HDAC9: variants seen among roughly 807,000 people sequenced by gnomAD.
The protein encoded by HDAC9 is histone deacetylase 9, also known as MEF-2 interacting transcription repressor (MITR) protein.
In HDAC9, 41 loss-of-function variants were observed where a neutral mutation model predicts 139.4. The observed-to-expected ratio is 0.29, with a 90% CI of 0.23 to 0.38. HDAC9 has a LOEUF of 0.38. Ranked by LOEUF, HDAC9 falls within the 10% of genes least tolerant of loss-of-function variation. The pLI is 1.00. For missense variants in HDAC9, 1,147 were observed against 1,297.0 expected (o/e 0.88, Z 1.78); for synonymous variants, 517 against 476.2 (o/e 1.09, Z -1.12).
At chr7:18,649,694 G>A (rs1788639971) in intron 11 of HDAC9, among the ~76,000 whole-genome samples, 1 of 152,118 alleles carries the variant, frequency 6.6e-6, no homozygotes, top group African/African-American at 2.4e-5. Flanking sequence ...GTAGGGGAAA[G>A]GGATCTTCAT....
chr7:18,243,309 G>A (rs893794414), intron 2 of HDAC9, among the ~76,000 whole-genome samples: 1 of 152,166 alleles, frequency 6.6e-6, no homozygotes, highest in Non-Finnish European at 1.5e-5. Context: ...TGGTTCTAAG[G>A]ACTAAAGCAT....
intron 12 of HDAC9, among the ~76,000 whole-genome samples, chr7:18,717,588 T>G (rs1784799793): frequency 6.6e-6 from 1 of 152,120 alleles, no homozygotes; most frequent in Non-Finnish European, 1.5e-5. Context: ...TGTGCCATCA[T>G]GCCTGGCTAA....
At chr7:18,192,414 T>C (rs1790414571) in intron 2 of HDAC9, among the ~76,000 whole-genome samples, 1 of 152,186 alleles carries the variant, frequency 6.6e-6, no homozygotes, top group African/African-American at 2.4e-5. Flanking sequence ...TTAACTTTTA[T>C]TGCAAAACCT....
chr7:18,607,355 C>G (rs1179184640), intron 6 of HDAC9, among the ~76,000 whole-genome samples: 1 of 152,184 alleles, frequency 6.6e-6, no homozygotes. Context: ...ATTAGATGAA[C>G]AAAGCTGAGA....
At chr7:18,334,534 T>C (rs1325897548) in intron 1 of HDAC9, among the ~76,000 whole-genome samples, 3 of 151,522 alleles carry the variant, frequency 2.0e-5, no homozygotes, top group Non-Finnish European at 4.4e-5. Context: ...AATCAGGGCA[T>C]GTTTTATATT....
In HDAC9 at chr7:18,805,940, A is replaced by G. The variant is rs186495413; in HGVS notation, c.2322+12488A>G. 3.9e-5 allele frequency among the ~76,000 whole-genome samples: 6 copies of G among 152,222 alleles called. No individual in the cohort carries two copies. The East Asian group carries it at 1.2e-3, about 29-fold the overall frequency. ...TAAATTATATAGCCTCCTCTCCCCA[A>G]CACACAGAGATGTACACATCACATT... is the stretch of plus-strand genomic sequence containing the variant. On this transcript the variant is annotated intron_variant, in intron 17 of 25. Coordinates refer to ENST00000686413, the MANE Select transcript of HDAC9 (RefSeq NM_178425.4).
chr7:18,928,364 A>G (rs935496628), intron 22 of HDAC9, among the ~76,000 whole-genome samples: 1 of 152,208 alleles, frequency 6.6e-6, no homozygotes, highest in Admixed American at 6.5e-5. Flanking sequence ...TACAGTTCTG[A>G]CTGTACTTTG....
chr7:18,645,535 G>A (rs1387229208), intron 9 of HDAC9, among the ~76,000 whole-genome samples: 1 of 152,128 alleles, frequency 6.6e-6, no homozygotes, highest in Non-Finnish European at 1.5e-5. Context: ...TGGAATACTA[G>A]AGATCTCTTT....
At chr7:18,524,903 T>C (rs1027976238) in intron 2 of HDAC9, among the ~76,000 whole-genome samples, 23 of 131,658 alleles carry the variant, frequency 1.7e-4, no homozygotes, top group African/African-American at 6.8e-4. Flanking sequence ...CACACACACA[T>C]TACAGATAAG....
Position 18,990,813 on chromosome 7 carries a change from A to G in HDAC9, c.3171-5210A>G, listed in dbSNP as rs146300043. 5.5e-3 allele frequency among the ~76,000 whole-genome samples: 838 copies of G among 152,324 alleles called. 10 individuals are homozygous for G. Among genetic ancestry groups the G allele is most frequent in the African/African-American group, 0.02 (813 of 41,588 alleles). On this transcript the variant is annotated intron_variant, in intron 25 of 25. Coordinates refer to ENST00000686413, the MANE Select transcript of HDAC9 (RefSeq NM_178425.4). Reference sequence around the variant, plus strand: ...TTGGGTGGGAGTGACCTGATTTTCCAGGTGCCGTCTGTCACCCCTTTGACT... The same window carrying G: ...TTGGGTGGGAGTGACCTGATTTTCCGGGTGCCGTCTGTCACCCCTTTGACT...
chr7:18,937,805 A>G (rs1781748285), intron 23 of HDAC9, among the ~76,000 whole-genome samples: 1 of 152,208 alleles, frequency 6.6e-6, no homozygotes, highest in South Asian at 2.1e-4. Context: ...GCAAAAGCCA[A>G]CTACTTTTCT....
At chr7:18,772,328 A>G (rs1790366746) in intron 16 of HDAC9, among the ~76,000 whole-genome samples, 1 of 152,008 alleles carries the variant, frequency 6.6e-6, no homozygotes, top group Non-Finnish European at 1.5e-5. Context: ...TTTTCTTCCA[A>G]AAAAGGAGGG....
At chr7:18,707,428 C>A (rs1037699901) in intron 12 of HDAC9, among the ~76,000 whole-genome samples, 20 of 151,870 alleles carry the variant, frequency 1.3e-4, no homozygotes, top group Admixed American at 3.9e-4. Context: ...ATTTATAGAG[C>A]AGAAAAATTG....
At chr7:18,439,989 G>GATAAA (rs996701497) in intron 1 of HDAC9, among the ~76,000 whole-genome samples, 8 of 152,090 alleles carry the variant, frequency 5.3e-5, no homozygotes, top group South Asian at 2.1e-4. Flanking sequence ...ATTGATGCTT[G>GATAAA]ATAAAATATT....
chr7:18,713,361 C>T (rs1784480229), intron 12 of HDAC9, among the ~76,000 whole-genome samples: 1 of 152,078 alleles, frequency 6.6e-6, no homozygotes, highest in Non-Finnish European at 1.5e-5. Flanking sequence ...AGACTAAATA[C>T]AGGGACTATC....
intron 1 of HDAC9, among the ~76,000 whole-genome samples, chr7:18,412,751 T>C (rs1292412485): frequency 6.6e-6 from 1 of 152,216 alleles, no homozygotes; most frequent in Non-Finnish European, 1.5e-5. Context: ...ATCTCCAGTT[T>C]TCTTAGTTCA....
chr7:18,097,745 G>T lies in HDAC9; in HGVS notation c.-97+10532G>T, dbSNP rs1034710788. On this transcript the variant is annotated intron_variant, in intron 1 of 12. Coordinates refer to the HDAC9 transcript ENST00000417496. ...ACCACACCTGGCTAATTTTTTATTA[G>T]ATTTTTTCTTTTTTAGAGATGGAAT... Among the ~76,000 whole-genome samples, 26 of 151,986 alleles carry T rather than the reference G, an allele frequency of 1.7e-4. No individual in the cohort carries two copies. In the East Asian group the frequency reaches 3.1e-3, roughly 18 times the overall value.
At chr7:18,852,960 A>C (rs1797412265) in intron 21 of HDAC9, among the ~76,000 whole-genome samples, 1 of 152,084 alleles carries the variant, frequency 6.6e-6, no homozygotes, top group African/African-American at 2.4e-5. Context: ...CAAACCAAAC[A>C]AATCATAGTA....
chr7:18,987,964 CTTT>C (rs1252424970), intron 25 of HDAC9, among the ~76,000 whole-genome samples: 3 of 152,016 alleles, frequency 2.0e-5, no homozygotes, highest in Non-Finnish European at 4.4e-5. Context: ...CCCTTTTCTT[CTTT>C]ATTAGTCTTG....
Sources: gnomAD v4.1 joint callset for allele counts (sites outside exome capture counted in the v4.1 genomes callset) on GRCh38, gnomAD v4.1.1 for gene constraint, MANE v1.5 for transcripts, NCBI Gene and HGNC (gene_info 2026-07-23, HGNC 2026-07-21) for gene names.